The following NOP9 variants were observed in gnomAD, a reference collection of about 807,000 sequenced individuals.
The protein encoded by NOP9 is nucleolar protein 9.
NOP9 carries 50 observed loss-of-function variants against 63.0 expected under a neutral mutation model. The observed-to-expected ratio is 0.79, with a 90% CI of 0.63 to 1.00. NOP9 has a LOEUF of 1.00. NOP9 is among the 50% of genes least tolerant of loss of function. The probability of loss-of-function intolerance (pLI) is 0.00; values close to 1 mark genes in which losing one functional copy is unlikely to be tolerated. For missense variants in NOP9, 758 were observed against 803.0 expected (o/e 0.94, Z 0.68); for synonymous variants, 343 against 332.8 (o/e 1.03, Z -0.33).
intron 5 of NOP9, 58 bp from the exon 6 acceptor site, chr14:24,303,016 G>C: frequency 6.8e-7 from 1 of 1,478,676 alleles, no homozygotes; most frequent in Admixed American, 2.5e-5. Context: ...AGATTTCTCT[G>C]AATAATGTGG....
Position 24,305,534 on chromosome 14 carries a change from A to T in NOP9, c.*439A>T, listed in dbSNP as rs2041471251. On this transcript the variant is annotated 3_prime_UTR_variant, in exon 10 of 10. Coordinates refer to ENST00000267425, the MANE Select transcript of NOP9 (RefSeq NM_174913.3). The stretch of plus-strand genomic sequence containing the variant: ...GGACAGTGGGGAAATTGGGTGGGTT[A>T]TCTAGCCTGTACTGTCTGCAGGTCC... 3 of 1,460,412 alleles carry T rather than the reference A, an allele frequency of 2.1e-6. No individual in the cohort carries two copies. Among genetic ancestry groups the T allele is most frequent in the Non-Finnish European group, 2.8e-6 (3 of 1,083,968 alleles). The allele number at this position is 1,460,412 out of a possible 1,614,324, so 90.5% of individuals were successfully genotyped here.
the NOP9 span, among the ~76,000 whole-genome samples, chr14:24,287,729 A>T: frequency 6.6e-6 from 1 of 152,100 alleles, no homozygotes; most frequent in African/African-American, 2.4e-5. Flanking sequence ...CCCATCCTTT[A>T]TGTGTCTGGT....
At chr14:24,299,695 G>A, upstream of NOP9, 1 of 453,172 alleles carries the variant, frequency 2.2e-6, no homozygotes, top group East Asian at 3.4e-5. Context: ...TGATTCTGTA[G>A]TAGGACCCGG....
At position 24,306,596 on chromosome 14, in the gene NOP9, A is replaced by G; in HGVS notation, c.*1501A>G. On this transcript the variant is annotated 3_prime_UTR_variant, in exon 10 of 10. Transcript: ENST00000267425. ...TTCCCTCTTTAGCTGCCCAACATCC[A>G]TCAGTTGGCTCTAGACATTGGTCGA... 2.5e-6 allele frequency: 4 copies of G among 1,590,662 alleles called. No homozygotes were observed. Among genetic ancestry groups the G allele is most frequent in the Non-Finnish European group, 3.4e-6 (4 of 1,160,240 alleles).
rs2041561798 is a variant in NOP9, at chr14:24,307,683, G to C, written c.*2588G>C. ...GCAGGTGGGGGCGGGTGGCTCAGGA[G>C]CTTGACAAGCCCACTGTGGAGTGGG... On this transcript the variant is annotated 3_prime_UTR_variant, in exon 10 of 10. Transcript: ENST00000267425. 1 of 1,257,286 alleles carries C rather than the reference G, an allele frequency of 8.0e-7. No individual in the cohort carries two copies. The highest frequency in any genetic ancestry group is 2.0e-5 in the Admixed American group (1 of 49,508). 77.9% of individuals were successfully genotyped at this position (1,257,286 alleles called of 1,614,324 possible). A position where few individuals can be genotyped will look rare whatever the true frequency, so the allele number is the denominator to read the frequency against.
chr14:24,296,626 T>C, upstream of NOP9: 2 of 1,612,658 alleles, frequency 1.2e-6, no homozygotes, highest in Non-Finnish European at 1.7e-6. Flanking sequence ...GATCTGAAGG[T>C]AGGGAGGTGT....
In NOP9 at chr14:24,308,024, C is replaced by G. The variant is rs1047694796; in HGVS notation, c.*2929C>G. On this transcript the variant is annotated 3_prime_UTR_variant, in exon 10 of 10. Coordinates refer to ENST00000267425, the MANE Select transcript of NOP9 (RefSeq NM_174913.3). ...CCCCCTGCCTGGCCAGTAAGAAGGG[C>G]AAAGTCCAAGGGGAGGGATGAGGGA... The G allele has an allele frequency of 1.5e-6, 1 of 666,916 alleles. No homozygotes were observed. The highest frequency in any genetic ancestry group is 1.8e-5 in the African/African-American group (1 of 55,718). The allele number at this position is 666,916 out of a possible 1,614,324, so 41.3% of individuals were successfully genotyped here. A position where few individuals can be genotyped will look rare whatever the true frequency, so the allele number is the denominator to read the frequency against.
chr14:24,307,370 C>T lies in NOP9; in HGVS notation c.*2275C>T. On this transcript the variant is annotated 3_prime_UTR_variant, in exon 10 of 10. Transcript: ENST00000267425. ...GGAACCGAGGAACTTGGCCTACTTA[C>T]TTTGGCTAGCAGCTCCTGGCGGGTG... 6.2e-7 allele frequency: 1 copy of T among 1,612,168 alleles called. No individual in the cohort carries two copies.
intron 2 of NOP9, among the ~76,000 whole-genome samples, 155 bp downstream of exon 2, chr14:24,301,012 A>G (rs1451549863): frequency 7.9e-5 from 12 of 152,218 alleles, no homozygotes; most frequent in Admixed American, 7.9e-4. Context: ...AGCAAGCCAA[A>G]GATTAGTGTG....
the NOP9 span, chr14:24,291,012 G>C: frequency 6.2e-7 from 1 of 1,614,052 alleles, no homozygotes; most frequent in Non-Finnish European, 8.5e-7. Context: ...ACAACAGGAG[G>C]AGGAGGATTA....
rs988071279 is a variant in NOP9 at position 24,307,909 on chromosome 14, C to T, written c.*2814C>T. 7 of 1,502,852 alleles carry T rather than the reference C, an allele frequency of 4.7e-6. No individual in the cohort carries two copies. The African/African-American group carries it at 8.3e-5, about 18-fold the overall frequency. The allele number at this position is 1,502,852 out of a possible 1,614,324, so 93.1% of individuals were successfully genotyped here. ...GAACTTCTGGGCTGGGTGGTTCTCT[C>T]CTGTGCTGGGGCTTTAGTGGTGTTT... On this transcript the variant is annotated 3_prime_UTR_variant, in exon 10 of 10. Coordinates refer to ENST00000267425, the MANE Select transcript of NOP9 (RefSeq NM_174913.3).
At position 24,307,600 on chromosome 14, in the gene NOP9, G is replaced by A; in HGVS notation, c.*2505G>A. The stretch of plus-strand genomic sequence containing the variant: ...CATGATGAGGGTAGAGTGGCTAGAG[G>A]GCTAGGGAGGGAGAGATCTAGGTTT... On this transcript the variant is annotated 3_prime_UTR_variant, in exon 10 of 10. Coordinates refer to ENST00000267425, the MANE Select transcript of NOP9 (RefSeq NM_174913.3). The A allele has an allele frequency of 2.7e-6, 4 of 1,485,744 alleles. No individual in the cohort carries two copies. The highest frequency in any genetic ancestry group is 2.3e-5 in the East Asian group (1 of 43,910). 92.0% of individuals were successfully genotyped at this position (1,485,744 alleles called of 1,614,324 possible).
At chr14:24,286,381 CCT>C in the NOP9 span, among the ~76,000 whole-genome samples, 2 of 152,172 alleles carry the variant, frequency 1.3e-5, no homozygotes, top group Non-Finnish European at 2.9e-5. Context: ...CTGGTGTCTG[CCT>C]CTCTCCTCCC....
chr14:24,301,668 A>G lies in NOP9; in HGVS notation c.754A>G (p.Thr252Ala), dbSNP rs972097299. The G allele has an allele frequency of 1.2e-6, 2 of 1,614,052 alleles. No individual in the cohort carries two copies. The highest frequency in any genetic ancestry group is 2.7e-5 in the African/African-American group (2 of 74,998). ...CKPADFEVPE[T>A]FLNRLQDLSS... ...GCCAGCTGATTTTGAAGTCCCTGAAACCTTTTTGAATCGCCTTCAGGACCT... is the reference window on the plus strand; with the variant it reads ...GCCAGCTGATTTTGAAGTCCCTGAAGCCTTTTTGAATCGCCTTCAGGACCT... Residue 252 changes from threonine (T) to alanine (A), a missense_variant, in exon 3 of 10, where the codon ACC (threonine) becomes GCC (alanine). Coordinates refer to ENST00000267425, the MANE Select transcript of NOP9 (RefSeq NM_174913.3).
chr14:24,301,890 G>C (rs200974364), intron 3 of NOP9, 75 bp from the exon 4 acceptor site: 22 of 1,524,974 alleles, frequency 1.4e-5, no homozygotes, highest in Non-Finnish European at 1.9e-5. Context: ...CCTGTATCTT[G>C]TTGCCTAAAG....
chr14:24,306,934 A>G lies in NOP9; in HGVS notation c.*1839A>G, dbSNP rs979215197. Reference sequence around the variant, plus strand: ...TTTGAGTCCTTACTCTGTGCCAGGTATGAGGACTTTACCTACATTATCCTC... The same window carrying G: ...TTTGAGTCCTTACTCTGTGCCAGGTGTGAGGACTTTACCTACATTATCCTC... On this transcript the variant is annotated 3_prime_UTR_variant, in exon 10 of 10. Coordinates refer to ENST00000267425, the MANE Select transcript of NOP9 (RefSeq NM_174913.3). 7.4e-6 allele frequency: 2 copies of G among 269,568 alleles called. No individual in the cohort carries two copies. Among genetic ancestry groups the G allele is most frequent in the African/African-American group, 4.3e-5 (2 of 46,468 alleles). 16.7% of individuals were successfully genotyped at this position (269,568 alleles called of 1,614,324 possible). A position where few individuals can be genotyped will look rare whatever the true frequency, so the allele number is the denominator to read the frequency against.
chr14:24,291,576 C>T, the NOP9 span: 1 of 1,614,242 alleles, frequency 6.2e-7, no homozygotes, highest in Non-Finnish European at 8.5e-7. Flanking sequence ...AGCCACCACA[C>T]ATTTGCCACT....
rs768155756 is a variant in NOP9, at chr14:24,306,177, A to G, written c.*1082A>G. 1 of 1,592,110 alleles carries G rather than the reference A, an allele frequency of 6.3e-7. No homozygotes were observed. On this transcript the variant is annotated 3_prime_UTR_variant, in exon 10 of 10. Coordinates refer to ENST00000267425, the MANE Select transcript of NOP9 (RefSeq NM_174913.3). ...TGTCAGTGCAGTAGATCCTCATACC[A>G]GACACCCACCACTAATCTCCATCAG...
chr14:24,292,404 C>A, the NOP9 span: 4 of 1,587,706 alleles, frequency 2.5e-6, no homozygotes, highest in Non-Finnish European at 3.4e-6. Context: ...TCTGCTTCTA[C>A]TGTGAATGCT....
Sources: allele counts gnomAD v4.1 joint callset (sites outside exome capture counted in the v4.1 genomes callset), GRCh38; gene constraint gnomAD v4.1.1; transcripts MANE v1.5; gene names NCBI Gene and HGNC (gene_info 2026-07-23, HGNC 2026-07-21).